Variants in AFF4 observed in about 807,000 individuals in gnomAD.
AFF4 encodes AF4/FMR2 family member 4.
Under a neutral mutation model 124.8 loss-of-function variants are expected in AFF4, and 13 were observed. The observed-to-expected ratio is 0.10, with a 90% confidence interval of 0.07 to 0.17. The LOEUF (loss-of-function observed/expected upper bound fraction) is 0.17. Ranked by LOEUF, AFF4 falls within the 10% of genes least tolerant of loss-of-function variation. The pLI is 1.00. For synonymous variants in AFF4, 477 were observed against 496.1 expected, an observed-to-expected ratio of 0.96 and a Z score of 0.51; for missense variants, 1,092 against 1,403.8, an observed-to-expected ratio of 0.78 and a Z score of 3.55.
intron 20 of AFF4, 119 bp downstream of exon 20, chr5:132,883,221 C>A: frequency 1.0e-6 from 1 of 975,772 alleles, no homozygotes. Flanking sequence ...TATTAACAAA[C>A]AGATTATCAT....
At chr5:132,953,267 G>T (rs1423045051) in intron 1 of AFF4, among the ~76,000 whole-genome samples, 1 of 151,842 alleles carries the variant, frequency 6.6e-6, no homozygotes, top group Admixed American at 6.6e-5. Flanking sequence ...TAGAGACAGG[G>T]TCTCAGTCTG....
At chr5:132,882,213 C>CAAAAAA (rs35340388) in intron 20 of AFF4, among the ~76,000 whole-genome samples, 1 of 120,294 alleles carries the variant, frequency 8.3e-6, no homozygotes. Flanking sequence ...AACCCTGTCT[C>CAAAAAA]AAAAAAAAAA....
chr5:132,929,860 G>A (rs1421494106), intron 4 of AFF4, among the ~76,000 whole-genome samples: 4 of 152,186 alleles, frequency 2.6e-5, no homozygotes, highest in Admixed American at 6.5e-5. Flanking sequence ...AAAGACATAT[G>A]AGTAGGGAGA....
chr5:132,880,950 A>C lies in AFF4; in HGVS notation c.*109T>G. On this transcript the variant is annotated 3_prime_UTR_variant, in exon 21 of 21. Coordinates refer to ENST00000265343, the MANE Select transcript of AFF4 (RefSeq NM_014423.4). The stretch of plus-strand genomic sequence containing the variant: ...ACAACACATGAACCAACGAGGAGAA[A>C]ACTATTCCTCATTCTTAGTGTCGAC... 5.8e-6 allele frequency: 8 copies of C among 1,389,796 alleles called. No individual in the cohort carries two copies. The highest frequency in any genetic ancestry group is 3.8e-4 in the Middle Eastern group (2 of 5,326). The allele number at this position is 1,389,796 out of a possible 1,614,324, so 86.1% of individuals were successfully genotyped here.
At chr5:132,952,879 C>T (rs770497621) in intron 1 of AFF4, among the ~76,000 whole-genome samples, 5 of 151,556 alleles carry the variant, frequency 3.3e-5, no homozygotes, top group African/African-American at 9.7e-5. Context: ...GTTTAAGTGA[C>T]GGAGTGAGAC....
At chr5:132,895,615 G>A (rs1760369114) in intron 11 of AFF4, among the ~76,000 whole-genome samples, 1 of 152,192 alleles carries the variant, frequency 6.6e-6, no homozygotes, top group African/African-American at 2.4e-5. Flanking sequence ...ACATTCTCCT[G>A]TAAATTCCTC....
At chr5:132,938,351 T>A (rs1761482149) in intron 1 of AFF4, among the ~76,000 whole-genome samples, 1 of 151,582 alleles carries the variant, frequency 6.6e-6, no homozygotes, top group South Asian at 2.1e-4. Flanking sequence ...CACCACAACC[T>A]ATGCCTCCCG....
intron 13 of AFF4, among the ~76,000 whole-genome samples, chr5:132,890,800 A>G (rs1192677748): frequency 6.6e-6 from 1 of 152,160 alleles, no homozygotes; most frequent in Non-Finnish European, 1.5e-5. Flanking sequence ...ATTTGATCCA[A>G]CAAATATTTC....
At chr5:132,893,672 G>A (rs1460964888) in intron 11 of AFF4, among the ~76,000 whole-genome samples, 3 of 152,130 alleles carry the variant, frequency 2.0e-5, no homozygotes, top group East Asian at 3.9e-4. Flanking sequence ...TAGTAGAGAC[G>A]GGGTTTCACC....
chr5:132,923,571 A>T (rs1308758040), intron 5 of AFF4, among the ~76,000 whole-genome samples: 6 of 151,850 alleles, frequency 4.0e-5, no homozygotes, highest in African/African-American at 1.5e-4. Context: ...CCCCGTCTCT[A>T]TGTAAGTCTG....
In AFF4 at chr5:132,963,476, G is replaced by C. The variant is rs1160791214; in HGVS notation, c.-222C>G. On this transcript the variant is annotated 5_prime_UTR_variant, in exon 1 of 21. Coordinates refer to ENST00000265343, the MANE Select transcript of AFF4 (RefSeq NM_014423.4). ...CAGCGATGCGCCTCACACGGAACAG[G>C]CGTAGGCCCCGCACCGCTCCATGAC... 1 of 398,170 alleles carries C rather than the reference G, an allele frequency of 2.5e-6. No individual in the cohort carries two copies. Among genetic ancestry groups the C allele is most frequent in the Admixed American group, 4.4e-5 (1 of 22,690 alleles). 24.7% of individuals were successfully genotyped at this position (398,170 alleles called of 1,614,324 possible). A position where few individuals can be genotyped will look rare whatever the true frequency, so the allele number is the denominator to read the frequency against.
intron 5 of AFF4, among the ~76,000 whole-genome samples, 164 bp from the exon 6 acceptor site, chr5:132,904,568 T>C (rs1760627450): frequency 6.6e-6 from 1 of 152,326 alleles, no homozygotes; most frequent in Non-Finnish European, 1.5e-5. Context: ...AATAATGGAC[T>C]TTCCCAGAGA....
Position 132,898,355 on chromosome 5 carries a change from C to G in AFF4, c.1264G>C (p.Asp422His). ...EPSHHNSEGA[D>H]NSRDDSSSHS... The stretch of plus-strand genomic sequence containing the variant: ...CTACTAGAATCATCCCTGGAGTTAT[C>G]TGCTCCTTCACTATTATGGTGTGAA... Residue 422 changes from aspartate to histidine, a missense_variant, in exon 10 of 21, where the codon GAT becomes CAT. Physicochemically the swap from Asp to His is moderately conservative, Grantham distance 81 (BLOSUM62 -1). Coordinates refer to ENST00000265343, the MANE Select transcript of AFF4 (RefSeq NM_014423.4). 1 of 1,614,248 alleles carries G rather than the reference C, an allele frequency of 6.2e-7. No individual in the cohort carries two copies. Among genetic ancestry groups the G allele is most frequent in the Non-Finnish European group, 8.5e-7 (1 of 1,180,048 alleles).
intron 1 of AFF4, among the ~76,000 whole-genome samples, chr5:132,960,858 T>C (rs1256186685): frequency 6.6e-6 from 1 of 152,086 alleles, no homozygotes; most frequent in Non-Finnish European, 1.5e-5. Flanking sequence ...CATCCCTCAA[T>C]ATCTGCAAGA....
chr5:132,914,873 T>C (rs982472134), intron 5 of AFF4, among the ~76,000 whole-genome samples: 5 of 152,154 alleles, frequency 3.3e-5, no homozygotes, highest in East Asian at 3.8e-4. Flanking sequence ...TGGTAATTCA[T>C]AGATAAAATG....
intron 18 of AFF4, among the ~76,000 whole-genome samples, chr5:132,885,676 T>C (rs1432181969): frequency 6.6e-6 from 1 of 152,034 alleles, no homozygotes; most frequent in East Asian, 1.9e-4. Flanking sequence ...CAGAGGCAGA[T>C]TTTAGGAGGA....
intron 1 of AFF4, among the ~76,000 whole-genome samples, chr5:132,939,529 A>T (rs1030194932): frequency 3.9e-5 from 6 of 152,354 alleles, no homozygotes; most frequent in Admixed American, 3.9e-4. Flanking sequence ...CTGCCAACAT[A>T]CAAAGTTATT....
chr5:132,939,216 CA>C (rs33952107), intron 1 of AFF4, among the ~76,000 whole-genome samples: 146 of 122,974 alleles, frequency 1.2e-3, no homozygotes, highest in African/African-American at 1.2e-3. Flanking sequence ...GACCCTTTCT[CA>C]AAAAAAAAAA....
chr5:132,959,310 C>T (rs768637053), intron 1 of AFF4, among the ~76,000 whole-genome samples: 1 of 151,852 alleles, frequency 6.6e-6, no homozygotes, highest in Non-Finnish European at 1.5e-5. Flanking sequence ...TTAGTAAAGA[C>T]GGGGTTTCAC....
Sources: gnomAD v4.1 joint callset for allele counts (sites outside exome capture counted in the v4.1 genomes callset) on GRCh38, gnomAD v4.1.1 for gene constraint, MANE v1.5 for transcripts, NCBI Gene and HGNC (gene_info 2026-07-23, HGNC 2026-07-21) for gene names.